The following TMEM132B variants were observed in gnomAD, a reference collection of about 807,000 sequenced individuals.
TMEM132B encodes transmembrane protein 132B.
A neutral mutation model predicts 90.8 loss-of-function variants in TMEM132B; 18 were observed. That is an observed-to-expected ratio of 0.20 (90% confidence interval 0.14 to 0.29). The LOEUF (loss-of-function observed/expected upper bound fraction) is 0.29, where lower values mean the gene tolerates loss of function less well. Among genes scored for constraint, TMEM132B ranks in the 10% least tolerant of loss-of-function variants. The probability of loss-of-function intolerance (pLI) is 1.00; values close to 1 mark genes in which losing one functional copy is unlikely to be tolerated. For missense variants in TMEM132B, 1,096 were observed against 1,326.8 expected (o/e 0.83, Z 2.70); for synonymous variants, 504 against 523.3 (o/e 0.96, Z 0.50).
At chr12:125,191,649 A>G (rs1417785774) in intron 1 of TMEM132B, among the ~76,000 whole-genome samples, 4 of 152,312 alleles carry the variant, frequency 2.6e-5, no homozygotes, top group East Asian at 3.9e-4. Context: ...TGCAACAAAT[A>G]AATGTATTAA....
At chr12:125,434,174 T>C (rs1880628704) in intron 3 of TMEM132B, among the ~76,000 whole-genome samples, 1 of 152,102 alleles carries the variant, frequency 6.6e-6, no homozygotes, top group Non-Finnish European at 1.5e-5. Context: ...CCTTGGCGGG[T>C]GGCCCTGTAT....
chr12:125,188,852 CAAAA>C (rs72059024), intron 1 of TMEM132B, among the ~76,000 whole-genome samples: 50 of 91,208 alleles, frequency 5.5e-4, no homozygotes, highest in African/African-American at 1.2e-3. Context: ...GGAGGGATGG[CAAAA>C]AAAAAAAAAA....
intron 5 of TMEM132B, among the ~76,000 whole-genome samples, chr12:125,598,368 C>G (rs1327967570): frequency 6.6e-6 from 1 of 152,008 alleles, no homozygotes; most frequent in Non-Finnish European, 1.5e-5. Flanking sequence ...ATTAACCTGC[C>G]CCAATCCACA....
chr12:125,432,397 A>ATG (rs1555248760), intron 3 of TMEM132B, among the ~76,000 whole-genome samples: 4,455 of 68,362 alleles, frequency 0.065, 1,369 homozygotes, highest in East Asian at 0.2. Context: ...ATATATATAT[A>ATG]TGTATGTATG....
At chr12:125,626,524 A>G (rs1435562930) in intron 5 of TMEM132B, among the ~76,000 whole-genome samples, 2 of 152,154 alleles carry the variant, frequency 1.3e-5, no homozygotes, top group African/African-American at 4.8e-5. Flanking sequence ...TTGTCTAAAA[A>G]AATTATTTCA....
intron 2 of TMEM132B, among the ~76,000 whole-genome samples, chr12:125,385,682 A>T (rs1369134353): frequency 1.3e-5 from 2 of 152,236 alleles, no homozygotes; most frequent in African/African-American, 4.8e-5. Context: ...CAACTAAAAG[A>T]AACATAATCA....
At chr12:125,287,142 T>G (rs1169482411) in intron 1 of TMEM132B, among the ~76,000 whole-genome samples, 1 of 151,940 alleles carries the variant, frequency 6.6e-6, no homozygotes, top group Non-Finnish European at 1.5e-5. Context: ...CTGTCTCTGT[T>G]TATCTCCCCG....
At chr12:125,391,395 C>T (rs1879014956) in intron 2 of TMEM132B, among the ~76,000 whole-genome samples, 1 of 152,214 alleles carries the variant, frequency 6.6e-6, no homozygotes, top group South Asian at 2.1e-4. Flanking sequence ...TGCCAGCTTT[C>T]CATAGCCTCT....
chr12:125,402,856 C>A (rs986238914), intron 2 of TMEM132B, among the ~76,000 whole-genome samples: 1 of 151,858 alleles, frequency 6.6e-6, no homozygotes, highest in Non-Finnish European at 1.5e-5. Context: ...ATGGAAAATA[C>A]ATATAATTTT....
intron 1 of TMEM132B, among the ~76,000 whole-genome samples, chr12:125,256,445 AG>A (rs1034769878): frequency 6.6e-6 from 1 of 152,222 alleles, no homozygotes; most frequent in Non-Finnish European, 1.5e-5. Flanking sequence ...TTTGCAAAGT[AG>A]GGTCTTTGGG....
chr12:125,596,719 T>C (rs1487336763), intron 5 of TMEM132B, among the ~76,000 whole-genome samples: 1 of 152,232 alleles, frequency 6.6e-6, no homozygotes, highest in Non-Finnish European at 1.5e-5. Context: ...GAACACTTTC[T>C]GTCCTCAAGA....
chr12:125,334,807 C>T (rs1173135195), intron 1 of TMEM132B, among the ~76,000 whole-genome samples: 4 of 152,216 alleles, frequency 2.6e-5, no homozygotes, highest in Non-Finnish European at 5.9e-5. Flanking sequence ...GTGCCATGCA[C>T]GACCGTCTCA....
intron 2 of TMEM132B, among the ~76,000 whole-genome samples, chr12:125,387,767 T>G (rs955843330): frequency 1.3e-5 from 2 of 152,192 alleles, no homozygotes; most frequent in Non-Finnish European, 2.9e-5. Context: ...GTCTCCATCT[T>G]CCATCCTCCT....
intron 4 of TMEM132B, among the ~76,000 whole-genome samples, chr12:125,565,722 T>C (rs1274450705): frequency 6.6e-6 from 1 of 152,222 alleles, no homozygotes; most frequent in Non-Finnish European, 1.5e-5. Context: ...CAGATGCTTC[T>C]TCTCTTTTCT....
In TMEM132B at chr12:125,406,597, G is replaced by A. The variant is rs1162900802; in HGVS notation, c.960-8934G>A. On this transcript the variant is annotated intron_variant, in intron 2 of 8. Transcript: ENST00000682704. This position sits in a 1 kb window ranked among gnomAD's most constrained non-coding sequence, Gnocchi z 8.3. ...ATCCTCTTTAAACGTCGGAGGACTG[G>A]GTGGATGATATGGGGTATAAAAATA... is the stretch of plus-strand genomic sequence containing the variant. Among the ~76,000 whole-genome samples the A allele has an allele frequency of 2.0e-5, 3 of 152,174 alleles. No individual in the cohort carries two copies. Among genetic ancestry groups the A allele is most frequent in the Non-Finnish European group, 4.4e-5 (3 of 68,044 alleles).
chr12:125,388,691 T>C (rs1189848225), intron 2 of TMEM132B, among the ~76,000 whole-genome samples: 1 of 152,176 alleles, frequency 6.6e-6, no homozygotes, highest in East Asian at 1.9e-4. Context: ...TCAACATCTT[T>C]TCCAGAACAG....
intron 3 of TMEM132B, among the ~76,000 whole-genome samples, chr12:125,475,878 G>A (rs913974700): frequency 6.6e-6 from 1 of 152,158 alleles, no homozygotes; most frequent in Non-Finnish European, 1.5e-5. Flanking sequence ...AGACCATTAT[G>A]GAATCATTTG....
At chr12:125,317,202 G>A (rs1407122926) in intron 1 of TMEM132B, among the ~76,000 whole-genome samples, 2 of 152,098 alleles carry the variant, frequency 1.3e-5, no homozygotes, top group African/African-American at 4.8e-5. Context: ...AGATGGAGCT[G>A]ATTGTAGTAC....
At position 125,406,640 on chromosome 12, in the gene TMEM132B, C is replaced by T. The variant is rs554785892; in HGVS notation, c.960-8891C>T. On this transcript the variant is annotated intron_variant, in intron 2 of 8. Coordinates refer to ENST00000682704, the MANE Select transcript of TMEM132B (RefSeq NM_001366854.1). This position sits in a 1 kb window ranked among gnomAD's most constrained non-coding sequence, Gnocchi z 8.3. ...TAAAAATATTTCACAGTCTTGATGG[C>T]GTGAGTTCTAATTGCACGCTTCCTT... is the stretch of plus-strand genomic sequence containing the variant. 4.6e-5 allele frequency among the ~76,000 whole-genome samples: 7 copies of T among 152,080 alleles called. No homozygotes were observed. Among genetic ancestry groups the T allele is most frequent in the South Asian group, 4.2e-4 (2 of 4,812 alleles).
Sources: gnomAD v4.1 joint callset for allele counts (sites outside exome capture counted in the v4.1 genomes callset) on GRCh38, gnomAD v4.1.1 for gene constraint, Gnocchi (gnomAD v3.1) non-coding constraint, MANE v1.5 for transcripts, NCBI Gene and HGNC (gene_info 2026-07-23, HGNC 2026-07-21) for gene names.